The following ALX4 variants were observed in gnomAD, a reference collection of about 807,000 sequenced individuals.
ALX4 encodes homeobox protein aristaless-like 4.
In ALX4, 22 loss-of-function variants were observed where a neutral mutation model predicts 40.6. The ratio of observed to expected loss-of-function variants is 0.54; its 90% CI spans 0.39 to 0.77. The LOEUF (loss-of-function observed/expected upper bound fraction) is 0.77. ALX4 is among the 30% of genes least tolerant of loss of function. ALX4 has a pLI of 0.00. For synonymous variants in ALX4, 266 were observed against 240.5 expected (o/e 1.11, Z -0.98); for missense variants, 556 against 564.8 (o/e 0.98, Z 0.16).
chr11:44,303,736 G>A (rs968219052), intron 1 of ALX4, among the ~76,000 whole-genome samples: 1 of 152,232 alleles, frequency 6.6e-6, no homozygotes, highest in African/African-American at 2.4e-5. Flanking sequence ...CGGGGCCAGG[G>A]CCGGTGCAAC....
intron 1 of ALX4, 129 bp from the exon 2 acceptor site, chr11:44,275,787 G>A (rs941623068): frequency 4.7e-6 from 4 of 855,682 alleles, no homozygotes; most frequent in South Asian, 3.6e-5. Context: ...CATTGGATGC[G>A]AGGTCCGGAG....
At chr11:44,295,023 G>C (rs2119864402) in intron 1 of ALX4, among the ~76,000 whole-genome samples, 1 of 152,048 alleles carries the variant, frequency 6.6e-6, no homozygotes, top group East Asian at 1.9e-4. Flanking sequence ...CTAATTTTTT[G>C]TATTTTTAGT....
chr11:44,292,039 G>A (rs1956372739), intron 1 of ALX4, among the ~76,000 whole-genome samples: 1 of 150,970 alleles, frequency 6.6e-6, no homozygotes. Context: ...GGCTGGTCTT[G>A]AACTCCTGAC....
chr11:44,309,077 G>A (rs945347165), intron 1 of ALX4, among the ~76,000 whole-genome samples: 1 of 151,744 alleles, frequency 6.6e-6, no homozygotes, highest in African/African-American at 2.4e-5. Flanking sequence ...CTCCGCACCT[G>A]CGGCGCTCTC....
intron 1 of ALX4, among the ~76,000 whole-genome samples, chr11:44,282,793 G>A (rs2119828895): frequency 6.6e-6 from 1 of 152,300 alleles, no homozygotes; most frequent in Admixed American, 6.5e-5. Context: ...GGGGACTCTA[G>A]GCAACAGATC....
intron 1 of ALX4, among the ~76,000 whole-genome samples, chr11:44,298,136 G>A (rs1293493505): frequency 4.6e-5 from 7 of 152,200 alleles, no homozygotes; most frequent in Admixed American, 2.0e-4. Flanking sequence ...GCTTTTGCCA[G>A]GCGCACACTC....
chr11:44,309,174 GCAGC>G (rs1407496422), intron 1 of ALX4, among the ~76,000 whole-genome samples: 58 of 113,746 alleles, frequency 5.1e-4, no homozygotes, highest in Non-Finnish European at 6.8e-4. Flanking sequence ...CCGCAGCCCC[GCAGC>G]CTCGCAGCCC....
At position 44,263,189 on chromosome 11, in the gene ALX4, C is replaced by T. The variant is rs1354018074; in HGVS notation, c.*1665G>A. On this transcript the variant is annotated 3_prime_UTR_variant, in exon 4 of 4. Coordinates refer to ENST00000652299, the MANE Select transcript of ALX4 (RefSeq NM_021926.4). ...CAGGAGGCCTTTCTGTGTCCACGAC[C>T]CTGAGCATAGTGGGCCTGGCCCTAC... 2 of 152,256 alleles carry T rather than the reference C, an allele frequency of 1.3e-5. No homozygotes were observed. Among genetic ancestry groups the T allele is most frequent in the African/African-American group, 4.8e-5 (2 of 41,446 alleles). 9.4% of individuals were successfully genotyped at this position (152,256 alleles called of 1,614,324 possible). A position where few individuals can be genotyped will look rare whatever the true frequency, so the allele number is the denominator to read the frequency against.
At chr11:44,298,593 G>A (rs1956417085) in intron 1 of ALX4, among the ~76,000 whole-genome samples, 1 of 152,114 alleles carries the variant, frequency 6.6e-6, no homozygotes, top group African/African-American at 2.4e-5. Context: ...GGGGATGAAG[G>A]GAGAAAACCA....
chr11:44,285,903 G>A (rs1956336005), intron 1 of ALX4, among the ~76,000 whole-genome samples: 2 of 152,130 alleles, frequency 1.3e-5, no homozygotes, highest in South Asian at 2.1e-4. Context: ...CCTCCCAGAT[G>A]TACTGCTGGG....
At chr11:44,300,550 A>G (rs925830978) in intron 1 of ALX4, among the ~76,000 whole-genome samples, 5 of 152,174 alleles carry the variant, frequency 3.3e-5, no homozygotes, top group African/African-American at 1.2e-4. Flanking sequence ...CATTTGCAAT[A>G]TCCTAGCACC....
intron 2 of ALX4, 51 bp from the exon 3 acceptor site, chr11:44,267,673 G>T: frequency 1.2e-6 from 2 of 1,612,646 alleles, no homozygotes; most frequent in Non-Finnish European, 1.7e-6. Flanking sequence ...CCCGCCTGGA[G>T]GCCTCACTTT....
intron 1 of ALX4, among the ~76,000 whole-genome samples, chr11:44,304,053 G>A (rs538333408): frequency 3.9e-5 from 6 of 152,336 alleles, no homozygotes; most frequent in East Asian, 1.9e-4. Flanking sequence ...CCTCCTTCCA[G>A]CAAAGGGCCC....
chr11:44,267,304 A>G (rs1465396505), intron 3 of ALX4, among the ~76,000 whole-genome samples, 190 bp downstream of exon 3: 3 of 152,144 alleles, frequency 2.0e-5, no homozygotes, highest in Non-Finnish European at 2.9e-5. Context: ...AGCCTGGTTC[A>G]ATGATTAGTT....
chr11:44,294,115 A>G (rs1338142978), intron 1 of ALX4, among the ~76,000 whole-genome samples: 1 of 152,212 alleles, frequency 6.6e-6, no homozygotes, highest in Non-Finnish European at 1.5e-5. Flanking sequence ...CAGGGGAGGA[A>G]AAAGGCTCTT....
Position 44,286,306 on chromosome 11 carries a change from T to C in ALX4, c.467-10648A>G, listed in dbSNP as rs138518130. Among the ~76,000 whole-genome samples the C allele has an allele frequency of 9.3e-4, 141 of 152,178 alleles. 1 individual carries two copies. The highest frequency in any genetic ancestry group is 2.7e-3 in the East Asian group (14 of 5,158). ...CTTCTGTTTGCTCAGCTCAACAACATTGCATGAATTCCTGCCAGGGAGGGG... is the reference window on the plus strand; with the variant it reads ...CTTCTGTTTGCTCAGCTCAACAACACTGCATGAATTCCTGCCAGGGAGGGG... On this transcript the variant is annotated intron_variant, in intron 1 of 3. Transcript: ENST00000652299.
chr11:44,304,052 A>G (rs1163448147), intron 1 of ALX4, among the ~76,000 whole-genome samples: 2 of 152,204 alleles, frequency 1.3e-5, no homozygotes, highest in Non-Finnish European at 2.9e-5. Context: ...TCCTCCTTCC[A>G]GCAAAGGGCC....
intron 1 of ALX4, among the ~76,000 whole-genome samples, chr11:44,281,710 T>C (rs1046724151): frequency 6.6e-6 from 1 of 152,072 alleles, no homozygotes; most frequent in Non-Finnish European, 1.5e-5. Context: ...AGTTTAGCCA[T>C]TGATCACGTC....
chr11:44,291,173 G>A (rs970943009), intron 1 of ALX4, among the ~76,000 whole-genome samples: 1 of 152,144 alleles, frequency 6.6e-6, no homozygotes, highest in Non-Finnish European at 1.5e-5. Context: ...TATAAATGGG[G>A]TGAAACATTG....
Sources: gnomAD v4.1 joint callset for allele counts (sites outside exome capture counted in the v4.1 genomes callset) on GRCh38, gnomAD v4.1.1 for gene constraint, MANE v1.5 for transcripts, NCBI Gene and HGNC (gene_info 2026-07-23, HGNC 2026-07-21) for gene names.